ADSS1: variants seen among roughly 807,000 people sequenced by gnomAD.
The protein encoded by ADSS1 is adenylosuccinate synthase 1.
Under a neutral mutation model 59.1 loss-of-function variants are expected in ADSS1, and 57 were observed. The observed-to-expected ratio is 0.97, with a 90% CI of 0.78 to 1.20. ADSS1 has a LOEUF of 1.20. Among genes scored for constraint, ADSS1 ranks in the 50% most tolerant of loss-of-function variants. The probability of loss-of-function intolerance (pLI) is 0.00; values close to 1 mark genes in which losing one functional copy is unlikely to be tolerated. For missense variants in ADSS1, 603 were observed against 610.3 expected, an observed-to-expected ratio of 0.99 and a Z score of 0.13; for synonymous variants, 247 against 249.4, an observed-to-expected ratio of 0.99 and a Z score of 0.09.
intron 1 of ADSS1, among the ~76,000 whole-genome samples, chr14:104,734,258 C>T (rs1460299089): frequency 6.6e-6 from 1 of 152,214 alleles, no homozygotes; most frequent in Non-Finnish European, 1.5e-5. Context: ...CAGCAGGGGA[C>T]ACCCACTGGA....
intron 1 of ADSS1, among the ~76,000 whole-genome samples, chr14:104,727,940 G>A (rs545896863): frequency 1.3e-4 from 20 of 152,322 alleles, no homozygotes; most frequent in Admixed American, 1.3e-3. Context: ...GGGCTGAAGG[G>A]GCCTGCCCTG....
chr14:104,734,799 C>T (rs896045846), intron 1 of ADSS1, among the ~76,000 whole-genome samples: 5 of 152,208 alleles, frequency 3.3e-5, no homozygotes, highest in Admixed American at 3.3e-4. Flanking sequence ...CCAGACCCTC[C>T]CCGACCCAGG....
At chr14:104,730,722 C>CT (rs1455097370) in intron 1 of ADSS1, among the ~76,000 whole-genome samples, 1 of 152,044 alleles carries the variant, frequency 6.6e-6, no homozygotes, top group East Asian at 1.9e-4. Flanking sequence ...GGGGAGGGGC[C>CT]TGAGTGGGGC....
intron 1 of ADSS1, among the ~76,000 whole-genome samples, chr14:104,730,558 G>C (rs527737753): frequency 6.6e-6 from 1 of 152,178 alleles, no homozygotes; most frequent in South Asian, 2.1e-4. Flanking sequence ...GGAGACTATA[G>C]ATAGATAGAT....
intron 3 of ADSS1, among the ~76,000 whole-genome samples, 157 bp downstream of exon 3, chr14:104,738,595 C>T (rs560035859): frequency 8.5e-5 from 13 of 152,354 alleles, no homozygotes; most frequent in Middle Eastern, 3.4e-3. Flanking sequence ...GCTCTACCCG[C>T]GCAGAAAGCG....
rs138107062 is a variant in ADSS1, at chr14:104,732,676, G to A, written c.193-2344G>A. ...ACTGGGCACTCTGCCATGGTAGGCA[G>A]CACTTGGCCTGACTGCCAGGTCATC... On this transcript the variant is annotated intron_variant, in intron 1 of 12. Coordinates refer to ENST00000330877, the MANE Select transcript of ADSS1 (RefSeq NM_152328.5). 3.2e-4 allele frequency among the ~76,000 whole-genome samples: 48 copies of A among 152,346 alleles called. No individual in the cohort carries two copies. In the East Asian group the frequency reaches 9.1e-3, roughly 29 times the overall value.
intron 8 of ADSS1, 43 bp from the exon 9 acceptor site, chr14:104,741,805 C>T: frequency 6.2e-7 from 1 of 1,606,830 alleles, no homozygotes; most frequent in Non-Finnish European, 8.5e-7. Context: ...GAATAATCTA[C>T]AGGGGGTGAC....
In ADSS1 at chr14:104,740,785, C is replaced by T. The variant is rs1891317801; in HGVS notation, c.585-54C>T. The T allele has an allele frequency of 1.9e-6, 3 of 1,612,958 alleles. No individual in the cohort carries two copies. The highest frequency in any genetic ancestry group is 2.5e-6 in the Non-Finnish European group (3 of 1,179,250). On this transcript the variant is annotated intron_variant, in intron 6 of 12. Coordinates refer to ENST00000330877, the MANE Select transcript of ADSS1 (RefSeq NM_152328.5). This position sits in a 1 kb window ranked among gnomAD's most constrained non-coding sequence, Gnocchi z 4.8. ...GGGACTGTGGCTAGTGGGGAGGGCCCTGAGGACCAGCATGGACCATGACAG... is the reference window on the plus strand; with the variant it reads ...GGGACTGTGGCTAGTGGGGAGGGCCTTGAGGACCAGCATGGACCATGACAG...
At chr14:104,727,092 T>C (rs780033919) in intron 1 of ADSS1, among the ~76,000 whole-genome samples, 1 of 152,148 alleles carries the variant, frequency 6.6e-6, no homozygotes, top group Non-Finnish European at 1.5e-5. Context: ...GGACATGGAC[T>C]TTCCACTCTG....
At chr14:104,732,362 T>C (rs1238365212) in intron 1 of ADSS1, among the ~76,000 whole-genome samples, 2 of 152,210 alleles carry the variant, frequency 1.3e-5, no homozygotes, top group Non-Finnish European at 2.9e-5. Context: ...CACGTGCCTG[T>C]GCAGCCTGAC....
chr14:104,732,539 T>C (rs1002276853), intron 1 of ADSS1, among the ~76,000 whole-genome samples: 3 of 152,172 alleles, frequency 2.0e-5, no homozygotes. Flanking sequence ...CCTGCGGTCA[T>C]TGGACACCCA....
rs1890655473 is a variant in ADSS1, at chr14:104,724,309, C to T, written c.39C>T (p.Gly13=). 8 of 1,234,810 alleles carry T rather than the reference C, an allele frequency of 6.5e-6. No homozygotes were observed. Among genetic ancestry groups the T allele is most frequent in the Non-Finnish European group, 8.1e-6 (8 of 987,036 alleles). The allele number at this position is 1,234,810 out of a possible 1,614,324, so 76.5% of individuals were successfully genotyped here. Residue 13 remains glycine, a synonymous_variant, in exon 1 of 13, where the codon GGC becomes GGT. Coordinates refer to ENST00000330877, the MANE Select transcript of ADSS1 (RefSeq NM_152328.5). Reference sequence around the variant, plus strand: ...GAGCCTCCAACGACCGGCCCCCCGGCGCAGGCGGCGTCAAGCGGGGGCGGC... The same window carrying T: ...GAGCCTCCAACGACCGGCCCCCCGGTGCAGGCGGCGTCAAGCGGGGGCGGC... ...GTRASNDRPP[G]AGGVKRGRLQ...
chr14:104,735,860 G>A (rs936783817), intron 2 of ADSS1, among the ~76,000 whole-genome samples: 1 of 152,168 alleles, frequency 6.6e-6, no homozygotes, highest in Non-Finnish European at 1.5e-5. Context: ...CCCTTGCTCA[G>A]AGAAGCTTTT....
chr14:104,747,175 G>C lies in ADSS1; in HGVS notation c.*172G>C. ...CTACAATGATTTTAAACATTGGAAA[G>C]CCAGCCTTGTGTATATTTTTAAAAA... On this transcript the variant is annotated 3_prime_UTR_variant, in exon 13 of 13. Transcript: ENST00000330877. 1 of 568,430 alleles carries C rather than the reference G, an allele frequency of 1.8e-6. No individual in the cohort carries two copies. The highest frequency in any genetic ancestry group is 2.9e-6 in the Non-Finnish European group (1 of 339,506). 35.2% of individuals were successfully genotyped at this position (568,430 alleles called of 1,614,324 possible).
rs755292103 is a variant in ADSS1 at position 104,747,059 on chromosome 14, G to C, written c.*56G>C. 2 of 1,520,616 alleles carry C rather than the reference G, an allele frequency of 1.3e-6. No homozygotes were observed. Among genetic ancestry groups the C allele is most frequent in the Non-Finnish European group, 1.8e-6 (2 of 1,109,340 alleles). The allele number at this position is 1,520,616 out of a possible 1,614,324, so 94.2% of individuals were successfully genotyped here. On this transcript the variant is annotated 3_prime_UTR_variant, in exon 13 of 13. Coordinates refer to ENST00000330877, the MANE Select transcript of ADSS1 (RefSeq NM_152328.5). ...GGCAGCGTCTGGACTTGTGTAAACA[G>C]CAGCAGTCACGTTCCTCGGCCGCCA...
chr14:104,729,240 G>C (rs1890809078), intron 1 of ADSS1, among the ~76,000 whole-genome samples: 1 of 152,174 alleles, frequency 6.6e-6, no homozygotes, highest in Admixed American at 6.5e-5. Context: ...AGGGGGCCCT[G>C]GCAGGTCAAA....
rs891632972 is a variant in ADSS1, at chr14:104,724,565, G to C, written c.192+103G>C. The stretch of plus-strand genomic sequence containing the variant: ...CCATGCCCTGGCCGGTCACTCACCC[G>C]CTTGGATGCCTTCCTTCCGGGAGCA... On this transcript the variant is annotated intron_variant, in intron 1 of 12. Coordinates refer to ENST00000330877, the MANE Select transcript of ADSS1 (RefSeq NM_152328.5). 2.0e-5 allele frequency: 24 copies of C among 1,177,000 alleles called. No homozygotes were observed. The African/African-American group carries it at 4.2e-4, about 20-fold the overall frequency. 72.9% of individuals were successfully genotyped at this position (1,177,000 alleles called of 1,614,324 possible).
intron 10 of ADSS1, among the ~76,000 whole-genome samples, chr14:104,744,193 T>TGTGGGGACGGGAGGGGAGAA (rs1168055826): frequency 6.7e-6 from 1 of 149,648 alleles, no homozygotes; most frequent in Non-Finnish European, 1.5e-5. Flanking sequence ...AAAGTGCACG[T>TGTGGGGACGGGAGGGGAGAA]GTGGGGACGG....
Position 104,740,671 on chromosome 14 carries a change from T to G in ADSS1, c.547T>G (p.Cys183Gly), listed in dbSNP as rs779194965. The G allele has an allele frequency of 6.2e-7, 1 of 1,613,938 alleles. No homozygotes were observed. Among genetic ancestry groups the G allele is most frequent in the Non-Finnish European group, 8.5e-7 (1 of 1,179,992 alleles). ...SKAARTGLRI[C>G]DLLSDFDEFS... ...AGCTGCCCGGACAGGCCTCCGCATC[T>G]GCGACCTCCTGTCAGATTTTGATGA... Residue 183 changes from cysteine (C) to glycine (G), a missense_variant, in exon 6 of 13, where the codon TGC becomes GGC. Coordinates refer to ENST00000330877, the MANE Select transcript of ADSS1 (RefSeq NM_152328.5). The surrounding 1 kb of genome is among the most constrained non-coding windows in gnomAD (Gnocchi z 4.8).
Sources: gnomAD v4.1 joint callset for allele counts (sites outside exome capture counted in the v4.1 genomes callset) on GRCh38, gnomAD v4.1.1 for gene constraint, Gnocchi (gnomAD v3.1) non-coding constraint, MANE v1.5 for transcripts, NCBI Gene and HGNC (gene_info 2026-07-23, HGNC 2026-07-21) for gene names.